The following GDAP1 variants were observed in gnomAD, a reference collection of about 807,000 sequenced individuals.
GDAP1 encodes the protein ganglioside induced differentiation associated protein 1.
Under a neutral mutation model 40.1 loss-of-function variants are expected in GDAP1, and 34 were observed. The observed-to-expected ratio is 0.85, with a 90% CI of 0.64 to 1.13. The LOEUF (loss-of-function observed/expected upper bound fraction) is 1.13, where lower values mean the gene tolerates loss of function less well. Among genes scored for constraint, GDAP1 ranks in the 50% most tolerant of loss-of-function variants. The pLI, the probability that GDAP1 is intolerant of heterozygous loss-of-function variation, is 0.00. For missense variants in GDAP1, 374 were observed against 433.7 expected (o/e 0.86, Z 1.22); for synonymous variants, 170 against 157.4 (o/e 1.08, Z -0.60).
intron 2 of GDAP1, among the ~76,000 whole-genome samples, chr8:74,433,537 A>C (rs1303871443): frequency 6.6e-6 from 1 of 152,230 alleles, no homozygotes; most frequent in Non-Finnish European, 1.5e-5. Context: ...TGCACACAGT[A>C]AATATTTGAT....
intron 2 of GDAP1, among the ~76,000 whole-genome samples, chr8:74,463,501 A>G (rs1325262477): frequency 6.6e-6 from 1 of 151,928 alleles, no homozygotes; most frequent in Non-Finnish European, 1.5e-5. Context: ...GAGGTGCTAC[A>G]CAATATGCTG....
rs1244910803 is a variant in GDAP1, at chr8:74,413,079, A to AAAAG, written c.165+61761_165+61762insGAAA. Among the ~76,000 whole-genome samples the AAAAG allele has an allele frequency of 1.0e-4, 15 of 147,612 alleles. 2 individuals carry two copies. Among genetic ancestry groups the AAAAG allele is most frequent in the South Asian group, 8.4e-4 (4 of 4,790 alleles). ...AGACTCTGTCTCAAAAAAAAAAAAAAAAAAAAAAAGATTTCTGAAGCCTCT... is the reference window on the plus strand; with the variant it reads ...AGACTCTGTCTCAAAAAAAAAAAAAAAAAGAAAAAAAAAGATTTCTGAAGCCTCT... On this transcript the variant is annotated intron_variant, in intron 2 of 2. Transcript: ENST00000523640.
chr8:74,360,089 C>T (rs1267242607), intron 2 of GDAP1, 48 bp from the exon 3 acceptor site: 7 of 1,401,294 alleles, frequency 5.0e-6, no homozygotes, highest in Non-Finnish European at 7.1e-6. Flanking sequence ...TTGAGTGTAA[C>T]AACTCATGTG....
intron 2 of GDAP1, among the ~76,000 whole-genome samples, chr8:74,476,502 G>T (rs1806631128): frequency 6.6e-6 from 1 of 152,160 alleles, no homozygotes; most frequent in Non-Finnish European, 1.5e-5. Context: ...TTCAGAATTT[G>T]CTCATCTGAA....
intron 2 of GDAP1, among the ~76,000 whole-genome samples, chr8:74,415,187 G>A (rs562160406): frequency 5.3e-5 from 8 of 150,148 alleles, no homozygotes; most frequent in Non-Finnish European, 1.2e-4. Flanking sequence ...GATACCAGAA[G>A]AAAACTTGAT....
At chr8:74,356,716 A>ATATATATATATATTTTTTTTTTTTT (rs375377157) in intron 2 of GDAP1, among the ~76,000 whole-genome samples, 2 of 104,362 alleles carry the variant, frequency 1.9e-5, no homozygotes, top group African/African-American at 8.3e-5. Flanking sequence ...ATATATATAT[A>ATATATATATATATTTTTTTTTTTTT]TTTTTTTTTT....
At chr8:74,421,431 C>T (rs1184176102) in intron 2 of GDAP1, among the ~76,000 whole-genome samples, 1 of 151,952 alleles carries the variant, frequency 6.6e-6, no homozygotes, top group Non-Finnish European at 1.5e-5. Flanking sequence ...AGTATTGGCT[C>T]CCACACAAGT....
intron 2 of GDAP1, among the ~76,000 whole-genome samples, chr8:74,392,221 C>G (rs1810120950): frequency 6.6e-6 from 1 of 152,162 alleles, no homozygotes; most frequent in Non-Finnish European, 1.5e-5. Flanking sequence ...CACTGTGTAA[C>G]CTTACTCTAA....
intron 2 of GDAP1, among the ~76,000 whole-genome samples, chr8:74,437,852 C>T (rs1330653459): frequency 1.3e-5 from 2 of 152,150 alleles, no homozygotes; most frequent in Non-Finnish European, 2.9e-5. Flanking sequence ...TATATCTAAT[C>T]CCCTGCTAAT....
downstream of GDAP1, among the ~76,000 whole-genome samples, chr8:74,369,350 G>A (rs4284037): frequency 0.99 from 150,606 of 152,346 alleles, 74,468 homozygotes; most frequent in East Asian, 1. Flanking sequence ...CAGCTAACAG[G>A]CAATATATGT....
Position 74,417,586 on chromosome 8 carries a change from G to A in GDAP1, c.165+66265G>A, listed in dbSNP as rs1014208214. Among the ~76,000 whole-genome samples the A allele has an allele frequency of 3.3e-5, 5 of 149,484 alleles. 1 individual carries two copies. Among genetic ancestry groups the A allele is most frequent in the East Asian group, 1.9e-4 (1 of 5,160 alleles). On this transcript the variant is annotated intron_variant, in intron 2 of 2. Coordinates refer to the GDAP1 transcript ENST00000523640. ...CGCCCAGCCAACATGGTGAAACCCC[G>A]TCTGTACTAAAAATACAAAAATTAG...
chr8:74,363,595 G>A (rs995698746), intron 5 of GDAP1, among the ~76,000 whole-genome samples: 3 of 152,236 alleles, frequency 2.0e-5, no homozygotes, highest in East Asian at 1.9e-4. Flanking sequence ...TAGCCACTGA[G>A]TGATGTTTCA....
rs1156592276 is a variant in GDAP1 at position 74,365,028 on chromosome 8, G to A, written c.*661G>A. Reference sequence around the variant, plus strand: ...GTGGTAATGGTTCCTTACTGTTTTAGATGGTGCCTGTGAGATACCATTCCT... The same window carrying A: ...GTGGTAATGGTTCCTTACTGTTTTAAATGGTGCCTGTGAGATACCATTCCT... On this transcript the variant is annotated 3_prime_UTR_variant, in exon 6 of 6. Coordinates refer to ENST00000220822, the MANE Select transcript of GDAP1 (RefSeq NM_018972.4). 1 of 453,974 alleles carries A rather than the reference G, an allele frequency of 2.2e-6. No individual in the cohort carries two copies. Among genetic ancestry groups the A allele is most frequent in the East Asian group, 6.9e-5 (1 of 14,398 alleles). 28.1% of individuals were successfully genotyped at this position (453,974 alleles called of 1,614,324 possible). A position where few individuals can be genotyped will look rare whatever the true frequency, so the allele number is the denominator to read the frequency against.
In GDAP1 at chr8:74,404,069, C is replaced by T. The variant is rs546112769; in HGVS notation, c.165+52748C>T. ...AAAAAGATCACGAGACAAATTAATTCGTGATTAATAAAAATAATGATAATG... is the reference window on the plus strand; with the variant it reads ...AAAAAGATCACGAGACAAATTAATTTGTGATTAATAAAAATAATGATAATG... On this transcript the variant is annotated intron_variant, in intron 2 of 2. Transcript: ENST00000523640. Among the ~76,000 whole-genome samples the T allele has an allele frequency of 1.4e-4, 21 of 149,654 alleles. 2 individuals carry two copies. Among genetic ancestry groups the T allele is most frequent in the East Asian group, 3.9e-4 (2 of 5,190 alleles).
At chr8:74,389,050 C>A (rs4621802) in intron 2 of GDAP1, among the ~76,000 whole-genome samples, 8 of 151,884 alleles carry the variant, frequency 5.3e-5, no homozygotes, top group Non-Finnish European at 1.0e-4. Flanking sequence ...TCCTCCATCC[C>A]TCTATTTTGA....
intron 2 of GDAP1, among the ~76,000 whole-genome samples, chr8:74,424,331 T>C (rs1477248041): frequency 6.6e-6 from 1 of 152,130 alleles, no homozygotes; most frequent in African/African-American, 2.4e-5. Context: ...GTAGAACCCA[T>C]GGATATGAAG....
intron 2 of GDAP1, among the ~76,000 whole-genome samples, chr8:74,439,789 G>T (rs1806138769): frequency 6.6e-6 from 1 of 151,500 alleles, no homozygotes; most frequent in Admixed American, 6.6e-5. Context: ...ATTAAATTTT[G>T]CATTAAAACT....
At chr8:74,428,106 C>A (rs1805971032) in intron 2 of GDAP1, among the ~76,000 whole-genome samples, 1 of 151,966 alleles carries the variant, frequency 6.6e-6, no homozygotes, top group South Asian at 2.1e-4. Flanking sequence ...GAATGGTCAC[C>A]CAGAAGTTGG....
At chr8:74,399,331 T>G (rs1810275958) in intron 2 of GDAP1, among the ~76,000 whole-genome samples, 1 of 150,112 alleles carries the variant, frequency 6.7e-6, no homozygotes, top group Non-Finnish European at 1.5e-5. Context: ...TCTAGTTTAT[T>G]TGCATAGAGG....
Sources: gnomAD v4.1 joint callset for allele counts (sites outside exome capture counted in the v4.1 genomes callset) on GRCh38, gnomAD v4.1.1 for gene constraint, MANE v1.5 for transcripts, NCBI Gene and HGNC (gene_info 2026-07-23, HGNC 2026-07-21) for gene names.